Variants in CAMKMT observed in about 807,000 individuals in gnomAD.
CAMKMT encodes calmodulin-lysine N-methyltransferase.
In CAMKMT, 53 loss-of-function variants were observed where a neutral mutation model predicts 48.0. That is an observed-to-expected ratio of 1.10 (90% CI 0.89 to 1.39). The LOEUF is 1.39. CAMKMT is among the 40% of genes most tolerant of loss of function. The pLI, the probability that CAMKMT is intolerant of heterozygous loss-of-function variation, is 0.00. For synonymous variants in CAMKMT, 165 were observed against 152.3 expected (o/e 1.08, Z -0.61); for missense variants, 428 against 402.7 (o/e 1.06, Z -0.54).
chr2:44,684,731 C>T (rs945835669), intron 3 of CAMKMT, among the ~76,000 whole-genome samples: 2 of 152,170 alleles, frequency 1.3e-5, no homozygotes, highest in Non-Finnish European at 2.9e-5. Flanking sequence ...AACTGGTAAG[C>T]ATGCACCTTT....
At chr2:44,561,235 C>G (rs954134412) in intron 3 of CAMKMT, among the ~76,000 whole-genome samples, 1 of 152,084 alleles carries the variant, frequency 6.6e-6, no homozygotes. Flanking sequence ...AGGTGAAGCT[C>G]CTCAACATTA....
intron 3 of CAMKMT, among the ~76,000 whole-genome samples, chr2:44,696,957 A>G (rs1467017365): frequency 6.6e-6 from 1 of 152,166 alleles, no homozygotes; most frequent in Admixed American, 6.6e-5. Flanking sequence ...AAAGGTTAGA[A>G]GATAAAGTTG....
intron 9 of CAMKMT, among the ~76,000 whole-genome samples, chr2:44,761,373 C>T (rs1049285521): frequency 2.6e-5 from 4 of 152,076 alleles, no homozygotes; most frequent in African/African-American, 4.8e-5. Flanking sequence ...GACCAGGCTG[C>T]GATAAAGGCA....
chr2:44,374,841 A>C (rs1258329197), intron 2 of CAMKMT, among the ~76,000 whole-genome samples: 1 of 152,046 alleles, frequency 6.6e-6, no homozygotes, highest in Admixed American at 6.5e-5. Flanking sequence ...TTTTTTTTTC[A>C]AACTAGTTAG....
chr2:44,496,305 C>T (rs1669749329), intron 3 of CAMKMT, among the ~76,000 whole-genome samples: 1 of 152,096 alleles, frequency 6.6e-6, no homozygotes. Context: ...GATACTATTG[C>T]ACAATATTGT....
At chr2:44,420,587 C>G (rs376852533) in intron 3 of CAMKMT, among the ~76,000 whole-genome samples, 1 of 151,128 alleles carries the variant, frequency 6.6e-6, no homozygotes, top group East Asian at 1.9e-4. Flanking sequence ...ATATTTTTTT[C>G]TCTTCTTTTT....
At chr2:44,421,564 C>G (rs1488835686) in intron 3 of CAMKMT, among the ~76,000 whole-genome samples, 2 of 151,964 alleles carry the variant, frequency 1.3e-5, no homozygotes, top group Admixed American at 6.6e-5. Context: ...AAACATAGAT[C>G]AAGGATGTTA....
intron 3 of CAMKMT, among the ~76,000 whole-genome samples, chr2:44,509,911 C>T (rs75633432): frequency 1.1e-4 from 16 of 152,284 alleles, no homozygotes; most frequent in Admixed American, 1.3e-4. Flanking sequence ...TTGGGCTTCC[C>T]GGTCTCCAGA....
At chr2:44,544,496 G>A (rs1667290232) in intron 3 of CAMKMT, among the ~76,000 whole-genome samples, 2 of 152,206 alleles carry the variant, frequency 1.3e-5, no homozygotes, top group South Asian at 4.1e-4. Flanking sequence ...TAGTCAAACT[G>A]CCTAAGGCTG....
At chr2:44,432,251 G>A (rs1300458676) in intron 3 of CAMKMT, among the ~76,000 whole-genome samples, 2 of 152,136 alleles carry the variant, frequency 1.3e-5, no homozygotes, top group Non-Finnish European at 2.9e-5. Flanking sequence ...AGATACTCCT[G>A]TACTTGAGTA....
intron 1 of CAMKMT, among the ~76,000 whole-genome samples, chr2:44,366,464 C>T (rs1348483997): frequency 6.6e-6 from 1 of 152,138 alleles, no homozygotes; most frequent in Non-Finnish European, 1.5e-5. Context: ...TCTTTTTCTT[C>T]ATAAATGTTA....
chr2:44,513,304 A>T (rs1670663174), intron 3 of CAMKMT, among the ~76,000 whole-genome samples: 1 of 146,942 alleles, frequency 6.8e-6, no homozygotes, highest in Non-Finnish European at 1.5e-5. Flanking sequence ...GGAACATAGG[A>T]GTGTGACTAG....
Position 44,362,089 on chromosome 2 carries a change from CG to C in CAMKMT, c.87del (p.Val31Ter), listed in dbSNP as rs1259821115. The C allele has an allele frequency of 2.1e-6, 3 of 1,461,242 alleles. No homozygotes were observed. Among genetic ancestry groups the C allele is most frequent in the East Asian group, 2.9e-5 (1 of 34,110 alleles). 90.5% of individuals were successfully genotyped at this position (1,461,242 alleles called of 1,614,324 possible). A position where few individuals can be genotyped will look rare whatever the true frequency, so the allele number is the denominator to read the frequency against. ...GGSPAVGCTT[R>X]GPVVSAPLGA... Reference sequence around the variant, plus strand: ...GAGTCCGGCAGTTGGCTGCACCACTCGGGGGCCCGTAGTCTCGGCGCCCCTG... The same window carrying C: ...GAGTCCGGCAGTTGGCTGCACCACTCGGGGCCCGTAGTCTCGGCGCCCCTG... On this transcript the variant is annotated frameshift_variant, in exon 1 of 11. Coordinates refer to ENST00000378494, the MANE Select transcript of CAMKMT (RefSeq NM_024766.5). LOFTEE classifies it high-confidence loss of function.
intron 3 of CAMKMT, among the ~76,000 whole-genome samples, chr2:44,433,662 A>G (rs752930182): frequency 1.3e-5 from 2 of 152,222 alleles, no homozygotes; most frequent in Non-Finnish European, 2.9e-5. Context: ...TATACTGAGC[A>G]TGATAATGTC....
At chr2:44,501,021 T>C (rs919226726) in intron 3 of CAMKMT, among the ~76,000 whole-genome samples, 3 of 151,716 alleles carry the variant, frequency 2.0e-5, no homozygotes, top group African/African-American at 7.3e-5. Flanking sequence ...GAGAATATTT[T>C]GTTAGCAATT....
intron 3 of CAMKMT, among the ~76,000 whole-genome samples, chr2:44,643,333 T>C (rs1384172291): frequency 6.6e-6 from 1 of 152,142 alleles, no homozygotes; most frequent in Non-Finnish European, 1.5e-5. Flanking sequence ...AGAAACTGTA[T>C]GGAACTACTA....
At chr2:44,516,550 A>G (rs1183131522) in intron 3 of CAMKMT, among the ~76,000 whole-genome samples, 1 of 152,068 alleles carries the variant, frequency 6.6e-6, no homozygotes, top group Non-Finnish European at 1.5e-5. Flanking sequence ...AAATAATTCT[A>G]TTTGGGATAG....
At chr2:44,405,182 A>C (rs528723597) in intron 3 of CAMKMT, among the ~76,000 whole-genome samples, 8 of 152,222 alleles carry the variant, frequency 5.3e-5, no homozygotes, top group African/African-American at 1.7e-4. Flanking sequence ...CTTTTGACCC[A>C]ATAATCCCAC....
chr2:44,461,545 A>G (rs567188249), intron 3 of CAMKMT, among the ~76,000 whole-genome samples: 10 of 152,308 alleles, frequency 6.6e-5, no homozygotes, highest in African/African-American at 2.4e-4. Flanking sequence ...ATGTATTGCT[A>G]CTTTAGAATG....
Sources: allele counts gnomAD v4.1 joint callset (sites outside exome capture counted in the v4.1 genomes callset), GRCh38; gene constraint gnomAD v4.1.1; transcripts MANE v1.5; gene names NCBI Gene and HGNC (gene_info 2026-07-23, HGNC 2026-07-21).